The following CELF2 variants were observed in gnomAD, a reference collection of about 807,000 sequenced individuals.
The protein encoded by CELF2 is CUGBP Elav-like family member 2, also known as CUG triplet repeat RNA-binding protein 2.
CELF2 carries 8 observed loss-of-function variants against 62.6 expected under a neutral mutation model. The ratio of observed to expected loss-of-function variants is 0.13; its 90% CI spans 0.07 to 0.23. The LOEUF is 0.23. Among genes scored for constraint, CELF2 ranks in the 10% least tolerant of loss-of-function variants. CELF2 has a pLI of 1.00. For synonymous variants in CELF2, 258 were observed against 250.0 expected (o/e 1.03, Z -0.30); for missense variants, 333 against 671.0 (o/e 0.50, Z 5.56).
the CELF2 span, among the ~76,000 whole-genome samples, chr10:10,523,038 G>T: frequency 6.6e-6 from 1 of 152,200 alleles, no homozygotes; most frequent in Non-Finnish European, 1.5e-5. Context: ...CCTGCTAAAA[G>T]TAAGGTTTGA....
At chr10:10,703,106 C>T in the CELF2 span, among the ~76,000 whole-genome samples, 10 of 152,222 alleles carry the variant, frequency 6.6e-5, no homozygotes, top group Non-Finnish European at 7.3e-5. Context: ...TGTTGGAAAG[C>T]AGCACCTTCT....
At chr10:11,317,911 T>A (rs376264120) in intron 10 of CELF2, 1 of 152,178 alleles carries the variant, frequency 6.6e-6, no homozygotes, top group Non-Finnish European at 1.5e-5. Flanking sequence ...CTAAATAGCA[T>A]GCATGGGAAT....
the CELF2 span, among the ~76,000 whole-genome samples, chr10:10,728,061 G>A: frequency 6.6e-6 from 1 of 151,782 alleles, no homozygotes; most frequent in African/African-American, 2.4e-5. Flanking sequence ...AGAGAGGGTT[G>A]GGGAAGTCTC....
intron 1 of CELF2, among the ~76,000 whole-genome samples, chr10:11,099,010 A>C (rs1405971938): frequency 6.6e-6 from 1 of 152,242 alleles, no homozygotes; most frequent in African/African-American, 2.4e-5. Flanking sequence ...GACTTCAGAT[A>C]AAAGTTTCGC....
the CELF2 span, among the ~76,000 whole-genome samples, chr10:10,602,108 A>T: frequency 6.6e-6 from 1 of 152,220 alleles, no homozygotes; most frequent in African/African-American, 2.4e-5. Flanking sequence ...CATGGTGTAT[A>T]TGTACAACAT....
the CELF2 span, among the ~76,000 whole-genome samples, chr10:10,652,756 C>T: frequency 9.2e-5 from 14 of 151,956 alleles, no homozygotes; most frequent in African/African-American, 7.2e-5. Flanking sequence ...CGGTACCAGC[C>T]GCTGCAAAAT....
chr10:11,113,552 A>T (rs1269871074), intron 1 of CELF2, among the ~76,000 whole-genome samples: 1 of 152,242 alleles, frequency 6.6e-6, no homozygotes, highest in Non-Finnish European at 1.5e-5. Context: ...GTCTGGCTGG[A>T]GAGAAGGTCT....
At chr10:10,495,067 G>A in the CELF2 span, among the ~76,000 whole-genome samples, 1 of 152,168 alleles carries the variant, frequency 6.6e-6, no homozygotes, top group Non-Finnish European at 1.5e-5. Context: ...ATGAGGTCAG[G>A]AGATCGAGAC....
At chr10:10,923,662 A>C (rs1229791452) in intron 2 of CELF2, among the ~76,000 whole-genome samples, 1 of 152,216 alleles carries the variant, frequency 6.6e-6, no homozygotes, top group Non-Finnish European at 1.5e-5. Flanking sequence ...CACCAGAAAA[A>C]AATTAGATTA....
rs1290943939 is a variant in CELF2, at chr10:11,191,089, T to C, written c.271+25407T>C. On this transcript the variant is annotated intron_variant, in intron 2 of 12. Transcript: ENST00000633077. The surrounding 1 kb of genome is among the most constrained non-coding windows in gnomAD (Gnocchi z 4.1). Reference sequence around the variant, plus strand: ...AGGGTTTAAATCCAGTTCCCTGAGGTTGGGCAAGCTGCTGGTCCTCTCTGA... The same window carrying C: ...AGGGTTTAAATCCAGTTCCCTGAGGCTGGGCAAGCTGCTGGTCCTCTCTGA... Among the ~76,000 whole-genome samples, 1 of 152,106 alleles carries C rather than the reference T, an allele frequency of 6.6e-6. No homozygotes were observed. The highest frequency in any genetic ancestry group is 2.4e-5 in the African/African-American group (1 of 41,404).
intron 1 of CELF2, among the ~76,000 whole-genome samples, chr10:10,911,795 C>G (rs10795834): frequency 0.85 from 129,780 of 152,242 alleles, 55,415 homozygotes; most frequent in South Asian, 0.94. Flanking sequence ...AAGGAACTTA[C>G]AGGAGCGCTC....
the CELF2 span, among the ~76,000 whole-genome samples, chr10:10,722,759 CAA>C: frequency 1.3e-5 from 2 of 152,134 alleles, no homozygotes; most frequent in Non-Finnish European, 2.9e-5. Context: ...GAAAAATTAA[CAA>C]TGACTTCTGT....
At chr10:10,535,408 G>A in the CELF2 span, among the ~76,000 whole-genome samples, 6 of 152,168 alleles carry the variant, frequency 3.9e-5, no homozygotes, top group African/African-American at 7.2e-5. Flanking sequence ...AGCAGGAACC[G>A]TACCTTGTCC....
At chr10:10,571,617 T>C in the CELF2 span, among the ~76,000 whole-genome samples, 2 of 152,056 alleles carry the variant, frequency 1.3e-5, no homozygotes, top group African/African-American at 4.8e-5. Flanking sequence ...ATCTGAGCTG[T>C]TGTTAATAAT....
the CELF2 span, among the ~76,000 whole-genome samples, chr10:10,792,769 C>T: frequency 6.6e-6 from 1 of 152,172 alleles, no homozygotes; most frequent in Non-Finnish European, 1.5e-5. Flanking sequence ...AATCTCATCT[C>T]CCATGGCAGT....
chr10:10,774,170 C>T, the CELF2 span, among the ~76,000 whole-genome samples: 1 of 152,180 alleles, frequency 6.6e-6, no homozygotes, highest in Non-Finnish European at 1.5e-5. Flanking sequence ...AGCATTCACT[C>T]ATCAGTGTTC....
chr10:10,815,922 C>G (rs1427219761), intron 1 of CELF2, among the ~76,000 whole-genome samples: 4 of 139,618 alleles, frequency 2.9e-5, no homozygotes, highest in African/African-American at 1.1e-4. Context: ...TTTTTTTTGC[C>G]CCATAAATTG....
chr10:10,606,294 T>C, the CELF2 span, among the ~76,000 whole-genome samples: 1 of 152,178 alleles, frequency 6.6e-6, no homozygotes, highest in Non-Finnish European at 1.5e-5. Context: ...CAGGAGACCT[T>C]AGAAGGATTT....
intron 2 of CELF2, among the ~76,000 whole-genome samples, chr10:10,977,862 A>G (rs2051535359): frequency 6.6e-6 from 1 of 152,196 alleles, no homozygotes; most frequent in South Asian, 2.1e-4. Context: ...TAAAAGGGGC[A>G]TCTTGATTGT....
Sources: allele counts gnomAD v4.1 joint callset (sites outside exome capture counted in the v4.1 genomes callset), GRCh38; gene constraint gnomAD v4.1.1; non-coding constraint Gnocchi (gnomAD v3.1); transcripts MANE v1.5; gene names NCBI Gene and HGNC (gene_info 2026-07-23, HGNC 2026-07-21).